USP1: variants seen among roughly 807,000 people sequenced by gnomAD.
USP1 encodes ubiquitin specific peptidase 1.
A neutral mutation model predicts 72.2 loss-of-function variants in USP1; 18 were observed. The ratio of observed to expected loss-of-function variants is 0.25; its 90% CI spans 0.17 to 0.37. USP1 has a LOEUF of 0.37. Ranked by LOEUF, USP1 falls within the 10% of genes least tolerant of loss-of-function variation. The pLI is 1.00. For missense variants in USP1, 759 were observed against 884.9 expected (o/e 0.86, Z 1.81); for synonymous variants, 354 against 303.7 (o/e 1.17, Z -1.72).
intron 8 of USP1, among the ~76,000 whole-genome samples, chr1:62,450,043 A>T (rs1645203012): frequency 6.6e-6 from 1 of 152,170 alleles, no homozygotes; most frequent in Admixed American, 6.5e-5. Flanking sequence ...ATGCCTGAAT[A>T]TTAGCAGTTA....
At chr1:62,437,014 G>A, upstream of USP1, 1 of 398,162 alleles carries the variant, frequency 2.5e-6, no homozygotes, top group Non-Finnish European at 4.4e-6. Context: ...CGCTGGCGCG[G>A]GCGGAGGCTA....
rs1291889310 is a variant in USP1, at chr1:62,450,743, C to G, written c.2120C>G (p.Thr707Ser). Reference protein sequence around the residue: ...ENRNSETSDTTGTHESDRNKE... With the variant: ...ENRNSETSDTSGTHESDRNKE... ...AGAAATTCTGAGACTAGTGATACTA[C>G]TGGGACCCATGAATCTGATAGAAAC... The change falls in exon 9 of 9, where the codon ACT (threonine) becomes AGT (serine). Residue 707 changes from threonine to serine, a missense_variant. By Grantham distance (58) the Thr-to-Ser change is moderately conservative. Coordinates refer to ENST00000339950, the MANE Select transcript of USP1 (RefSeq NM_003368.5). 6.2e-7 allele frequency: 1 copy of G among 1,613,868 alleles called. No homozygotes were observed. Among genetic ancestry groups the G allele is most frequent in the East Asian group, 2.2e-5 (1 of 44,856 alleles).
rs1410264296 is a variant in USP1, at chr1:62,444,860, C to T, written c.680C>T (p.Ala227Val). 5.6e-6 allele frequency: 9 copies of T among 1,612,924 alleles called. No individual in the cohort carries two copies. Among genetic ancestry groups the T allele is most frequent in the African/African-American group, 2.7e-5 (2 of 74,770 alleles). The change falls in exon 6 of 9, where the codon GCA becomes GTA. Residue 227 changes from alanine to valine, a missense_variant. Ala to Val is a moderately conservative substitution (Grantham distance 64). Coordinates refer to ENST00000339950, the MANE Select transcript of USP1 (RefSeq NM_003368.5). The part of the protein sequence containing the change: ...LLKKEEVKNV[A>V]ELPTKVEEIP... The stretch of plus-strand genomic sequence containing the variant: ...AAAAAAGAAGAAGTAAAAAATGTGG[C>T]AGAATTACCTACTAAGGTAGAAGAA...
chr1:62,448,008 A>G lies in USP1; in HGVS notation c.1421-457A>G, dbSNP rs367936850. Among the ~76,000 whole-genome samples the G allele has an allele frequency of 1.8e-3, 273 of 152,122 alleles. 2 individuals are homozygous for G. The highest frequency in any genetic ancestry group is 4.4e-3 in the African/African-American group (181 of 41,512). On this transcript the variant is annotated intron_variant, in intron 7 of 8. Transcript: ENST00000339950. Reference sequence around the variant, plus strand: ...TCACCATGTTAGCCAGGATGGTCTCAATCTCCTGACCTCGTGATCCGCCCG... The same window carrying G: ...TCACCATGTTAGCCAGGATGGTCTCGATCTCCTGACCTCGTGATCCGCCCG...
chr1:62,438,313 G>A (rs146062539), intron 1 of USP1, among the ~76,000 whole-genome samples: 360 of 152,254 alleles, frequency 2.4e-3, no homozygotes, highest in African/African-American at 8.3e-3. Flanking sequence ...CGATCCCTGA[G>A]AACTTAGCGC....
intron 1 of USP1, among the ~76,000 whole-genome samples, chr1:62,439,050 A>G (rs1201333104): frequency 6.6e-6 from 1 of 152,208 alleles, no homozygotes; most frequent in Non-Finnish European, 1.5e-5. Flanking sequence ...TAATAACTAG[A>G]AAAGGCATTG....
At chr1:62,447,532 G>C in intron 7 of USP1, 21 bp downstream of exon 7, 6 of 1,600,930 alleles carry the variant, frequency 3.7e-6, no homozygotes, top group Non-Finnish European at 5.1e-6. Flanking sequence ...TTGGAGTCTT[G>C]TGTGGACCAT....
chr1:62,440,146 G>C, intron 2 of USP1, 109 bp downstream of exon 2: 4 of 972,136 alleles, frequency 4.1e-6, no homozygotes, highest in Admixed American at 3.5e-5. Flanking sequence ...AAAAAAGTAC[G>C]CTTCAGTGTA....
At chr1:62,437,783 T>C (rs1341845194) in intron 1 of USP1, among the ~76,000 whole-genome samples, 1 of 152,250 alleles carries the variant, frequency 6.6e-6, no homozygotes, top group East Asian at 1.9e-4. Context: ...CCTGTGTCGG[T>C]AATTGCGAAA....
chr1:62,450,800 T>C lies in USP1; in HGVS notation c.2177T>C (p.Ile726Thr), dbSNP rs1324751641. 10 of 1,613,800 alleles carry C rather than the reference T, an allele frequency of 6.2e-6. No homozygotes were observed. The highest frequency in any genetic ancestry group is 8.5e-6 in the Non-Finnish European group (10 of 1,179,968). Residue 726 changes from isoleucine (I) to threonine (T), a missense_variant, in exon 9 of 9, where the codon ATT becomes ACT. By Grantham distance (89) the Ile-to-Thr change is moderately conservative. This residue lies in a region of USP1 where 159 missense variants were observed against 140.9 expected (regional missense o/e 1.13). Transcript: ENST00000339950. ...TCCAGTGACCAAACAGGCATTAATA[T>C]TAGTGGATTTGAGAACAAAATTTCA... ...KESSDQTGIN[I>T]SGFENKISYV...
In USP1 at chr1:62,447,401, G is replaced by A. The variant is rs140040662; in HGVS notation, c.1310G>A (p.Arg437Lys). Residue 437 changes from arginine to lysine, a missense_variant, in exon 7 of 9, where the codon AGG (arginine) becomes AAG (lysine). This residue lies in a region of USP1 where 140 missense variants were observed against 222.8 expected (regional missense o/e 0.63). Transcript: ENST00000339950. ...EKLFQGQLVLRTRCLECESLT... is the reference protein window; with the variant it reads ...EKLFQGQLVLKTRCLECESLT... ...TTATTTCAAGGTCAGCTGGTATTAA[G>A]GACGCGTTGCTTGGAATGTGAAAGT... 1.9e-6 allele frequency: 3 copies of A among 1,614,024 alleles called. No homozygotes were observed. Among genetic ancestry groups the A allele is most frequent in the Non-Finnish European group, 2.5e-6 (3 of 1,180,012 alleles).
intron 3 of USP1, 89 bp from the exon 4 acceptor site, chr1:62,442,106 A>G: frequency 1.1e-6 from 1 of 899,944 alleles, no homozygotes; most frequent in Non-Finnish European, 1.7e-6. Context: ...ACATGTTAAA[A>G]GTGCTCTATA....
intron 6 of USP1, among the ~76,000 whole-genome samples, chr1:62,446,786 C>T (rs912619303): frequency 5.3e-5 from 8 of 151,926 alleles, no homozygotes; most frequent in Non-Finnish European, 8.8e-5. Flanking sequence ...AAGGGAGTTA[C>T]AATACAACTG....
In USP1 at chr1:62,451,127, G is replaced by C; in HGVS notation, c.*146G>C. ...GGTTTTTATATAAATAGTGAAATTT[G>C]AATTACTGAAAACCATGTTAATTTT... On this transcript the variant is annotated 3_prime_UTR_variant, in exon 9 of 9. Coordinates refer to ENST00000339950, the MANE Select transcript of USP1 (RefSeq NM_003368.5). 1 of 810,082 alleles carries C rather than the reference G, an allele frequency of 1.2e-6. No individual in the cohort carries two copies. The allele number at this position is 810,082 out of a possible 1,614,324, so 50.2% of individuals were successfully genotyped here.
At position 62,444,097 on chromosome 1, in the gene USP1, A is replaced by T. The variant is rs546652906; in HGVS notation, c.558-641A>T. Among the ~76,000 whole-genome samples the T allele has an allele frequency of 2.0e-5, 3 of 152,044 alleles. No individual in the cohort carries two copies. The South Asian group carries it at 6.2e-4, about 32-fold the overall frequency. ...AACATGGTGAAACCCTGCCCCTACT[A>T]AAAATACAAAAATTAGCTGGGTGTG... On this transcript the variant is annotated intron_variant, in intron 5 of 8. Coordinates refer to ENST00000339950, the MANE Select transcript of USP1 (RefSeq NM_003368.5).
Position 62,450,688 on chromosome 1 carries a change from A to G in USP1, c.2065A>G (p.Lys689Glu). 1 of 1,614,196 alleles carries G rather than the reference A, an allele frequency of 6.2e-7. No individual in the cohort carries two copies. The highest frequency in any genetic ancestry group is 8.5e-7 in the Non-Finnish European group (1 of 1,180,022). ...ELYNKASNPD[K>E]VASTAFAENR... ...ATACAACAAAGCCTCTAATCCTGAT[A>G]AGGTTGCTAGTACAGCGTTTGCTGA... Residue 689 changes from lysine (K) to glutamate (E), a missense_variant, in exon 9 of 9, where the codon AAG (lysine) becomes GAG (glutamate). Lys to Glu is a moderately conservative substitution (Grantham distance 56). Around this residue, in one of 9 missense-constraint regions of USP1, gnomAD observed 159 missense variants for 140.9 expected, o/e 1.13. Transcript: ENST00000339950.
At chr1:62,439,405 G>A (rs1645116495) in intron 1 of USP1, among the ~76,000 whole-genome samples, 2 of 152,220 alleles carry the variant, frequency 1.3e-5, no homozygotes, top group African/African-American at 4.8e-5. Flanking sequence ...GGCTGGTCTC[G>A]AACTCCTGAC....
chr1:62,444,531 G>A (rs1292419852), intron 5 of USP1, among the ~76,000 whole-genome samples: 1 of 151,992 alleles, frequency 6.6e-6, no homozygotes, highest in Non-Finnish European at 1.5e-5. Context: ...TTTAGAAGAG[G>A]ATCAAAGTAT....
At chr1:62,438,163 C>T (rs1481958783) in intron 1 of USP1, among the ~76,000 whole-genome samples, 1 of 152,032 alleles carries the variant, frequency 6.6e-6, no homozygotes, top group African/African-American at 2.4e-5. Flanking sequence ...TTTGATTAAG[C>T]TGACGATCCG....
Sources: gnomAD v4.1 joint callset for allele counts (sites outside exome capture counted in the v4.1 genomes callset) on GRCh38, gnomAD v4.1.1 for gene constraint, gnomAD v4.1.1 regional missense constraint, MANE v1.5 for transcripts, NCBI Gene and HGNC (gene_info 2026-07-23, HGNC 2026-07-21) for gene names.